UCHL5: variants seen among roughly 807,000 people sequenced by gnomAD.
UCHL5 encodes the protein ubiquitin carboxyl-terminal hydrolase isozyme L5.
UCHL5 carries 34 observed loss-of-function variants against 53.8 expected under a neutral mutation model. That is an observed-to-expected ratio of 0.63 (90% confidence interval 0.48 to 0.84). The LOEUF (loss-of-function observed/expected upper bound fraction) is 0.84. UCHL5 is among the 40% of genes least tolerant of loss of function. The pLI, the probability that UCHL5 is intolerant of heterozygous loss-of-function variation, is 0.00. For synonymous variants in UCHL5, 111 were observed against 126.3 expected (o/e 0.88, Z 0.81); for missense variants, 290 against 385.6 (o/e 0.75, Z 2.08).
chr1:193,044,535 T>C (rs753611288), intron 3 of UCHL5, among the ~76,000 whole-genome samples: 4 of 152,046 alleles, frequency 2.6e-5, no homozygotes, highest in Non-Finnish European at 5.9e-5. Context: ...TATTAACCAA[T>C]GATACACAGA....
At chr1:193,052,171 C>CT (rs924635174) in intron 1 of UCHL5, among the ~76,000 whole-genome samples, 2 of 151,816 alleles carry the variant, frequency 1.3e-5, no homozygotes, top group African/African-American at 2.4e-5. Context: ...TTACTCTATA[C>CT]TTTTTTTTCT....
At position 193,046,676 on chromosome 1, in the gene UCHL5, A is replaced by T. The variant is rs960621743; in HGVS notation, c.246+3070T>A. Among the ~76,000 whole-genome samples the T allele has an allele frequency of 3.4e-5, 5 of 147,532 alleles. No individual in the cohort carries two copies. In the East Asian group the frequency reaches 9.7e-4, roughly 29 times the overall value. On this transcript the variant is annotated intron_variant, in intron 3 of 10. Transcript: ENST00000367454. ...AATAATTTATATATTTATAGAATAT[A>T]TAAATAATTAAATTTATATATAAAT...
intron 3 of UCHL5, among the ~76,000 whole-genome samples, chr1:193,040,590 T>C (rs985408760): frequency 7.2e-5 from 11 of 152,278 alleles, no homozygotes; most frequent in African/African-American, 2.6e-4. Context: ...ATGGAGGTTA[T>C]GCAAAACTAA....
chr1:193,032,767 T>C (rs1439461960), intron 3 of UCHL5, among the ~76,000 whole-genome samples: 4 of 152,110 alleles, frequency 2.6e-5, no homozygotes. Flanking sequence ...CCAACAAACA[T>C]ATGAAAGAAA....
In UCHL5 at chr1:193,036,502, T is replaced by A. The variant is rs545904880; in HGVS notation, c.247-6845A>T. 2.0e-5 allele frequency among the ~76,000 whole-genome samples: 3 copies of A among 152,004 alleles called. No homozygotes were observed. In the South Asian group the frequency reaches 6.2e-4, roughly 32 times the overall value. ...CGCCTAACACCTGAGTTCCCAAGTG[T>A]ATAAATATAAAGCAAGTGTTTATAG... On this transcript the variant is annotated intron_variant, in intron 3 of 10. Coordinates refer to ENST00000367454, the MANE Select transcript of UCHL5 (RefSeq NM_001199261.3).
chr1:193,047,878 T>G (rs1395187221), intron 3 of UCHL5, among the ~76,000 whole-genome samples: 3 of 152,128 alleles, frequency 2.0e-5, no homozygotes, highest in Non-Finnish European at 4.4e-5. Flanking sequence ...TTAAACTATT[T>G]CACTGACATA....
chr1:193,052,848 G>T (rs1016410644), intron 1 of UCHL5, among the ~76,000 whole-genome samples: 2 of 152,124 alleles, frequency 1.3e-5, no homozygotes, highest in Non-Finnish European at 2.9e-5. Context: ...GTATGTGCCA[G>T]AAACCTAATT....
chr1:193,050,737 C>G (rs1037865706), intron 2 of UCHL5, among the ~76,000 whole-genome samples: 2 of 149,976 alleles, frequency 1.3e-5, no homozygotes, highest in African/African-American at 4.9e-5. Context: ...CAGAGTGAGA[C>G]TGTTTCAAAA....
intron 9 of UCHL5, among the ~76,000 whole-genome samples, chr1:193,021,836 CAGTT>C (rs1363830985): frequency 6.6e-6 from 1 of 152,050 alleles, no homozygotes; most frequent in Non-Finnish European, 1.5e-5. Context: ...AGAGTTCCTT[CAGTT>C]AATTAATTAA....
chr1:193,028,045 A>T, intron 7 of UCHL5, 40 bp downstream of exon 7: 1 of 1,587,020 alleles, frequency 6.3e-7, no homozygotes, highest in Non-Finnish European at 8.5e-7. Flanking sequence ...AATACTTAAA[A>T]AACAGAATAT....
chr1:193,036,339 A>AAAAAAAC (rs1663436049), intron 3 of UCHL5, among the ~76,000 whole-genome samples: 1 of 148,758 alleles, frequency 6.7e-6, no homozygotes, highest in Admixed American at 6.7e-5. Flanking sequence ...AAAAAAAAAA[A>AAAAAAAC]AAAGAACAGG....
chr1:193,034,161 C>T (rs1381589218), intron 3 of UCHL5, among the ~76,000 whole-genome samples: 3 of 152,006 alleles, frequency 2.0e-5, no homozygotes, highest in Non-Finnish European at 2.9e-5. Flanking sequence ...TAAGATCAGC[C>T]AGGTTCCTAC....
At chr1:193,024,906 G>A (rs901342548) in intron 7 of UCHL5, among the ~76,000 whole-genome samples, 2 of 152,010 alleles carry the variant, frequency 1.3e-5, no homozygotes, top group Admixed American at 6.6e-5. Context: ...AACACTGATT[G>A]TGGGACTTCC....
chr1:193,020,044 AAC>A, intron 10 of UCHL5: 1 of 984,946 alleles, frequency 1.0e-6, no homozygotes, highest in Non-Finnish European at 1.2e-6. Flanking sequence ...AAACTTTAAA[AAC>A]AGTTTCCCAT....
At position 193,028,802 on chromosome 1, in the gene UCHL5, T is replaced by A. The variant is rs569683217; in HGVS notation, c.565+377A>T. Among the ~76,000 whole-genome samples the A allele has an allele frequency of 4.0e-4, 61 of 152,258 alleles. 2 individuals carry two copies. In the South Asian group the frequency reaches 0.011, roughly 28 times the overall value. ...AAACAATAAATTATCCAATTCCAAA[T>A]GAAAATACTTTAATACGGATGTTAA... On this transcript the variant is annotated intron_variant, in intron 6 of 10. Coordinates refer to ENST00000367454, the MANE Select transcript of UCHL5 (RefSeq NM_001199261.3).
intron 10 of UCHL5, chr1:193,018,925 G>A: frequency 1.3e-6 from 1 of 775,062 alleles, no homozygotes; most frequent in Non-Finnish European, 1.9e-6. Context: ...AACTATCACT[G>A]GTAAAGATTT....
intron 3 of UCHL5, among the ~76,000 whole-genome samples, chr1:193,034,855 C>A (rs1437327553): frequency 6.6e-6 from 1 of 151,814 alleles, no homozygotes; most frequent in Non-Finnish European, 1.5e-5. Flanking sequence ...AAGATCATCT[C>A]AATAGAGGCA....
intron 7 of UCHL5, among the ~76,000 whole-genome samples, chr1:193,026,695 A>T (rs1659376431): frequency 7.2e-6 from 1 of 138,364 alleles, no homozygotes; most frequent in East Asian, 2.0e-4. Flanking sequence ...GTAGTTTCTT[A>T]AAAAAAAAAA....
chr1:193,045,883 C>A (rs1211482556), intron 3 of UCHL5, among the ~76,000 whole-genome samples: 1 of 152,116 alleles, frequency 6.6e-6, no homozygotes, highest in Non-Finnish European at 1.5e-5. Context: ...GGAGAAAAAT[C>A]ACCTCACAGA....
Sources: allele counts gnomAD v4.1 joint callset (sites outside exome capture counted in the v4.1 genomes callset), GRCh38; gene constraint gnomAD v4.1.1; transcripts MANE v1.5; gene names NCBI Gene and HGNC (gene_info 2026-07-23, HGNC 2026-07-21).